The following CCDC171 variants were observed in gnomAD, a reference collection of about 807,000 sequenced individuals.
The protein encoded by CCDC171 is coiled-coil domain-containing protein 171.
CCDC171 carries 177 observed loss-of-function variants against 168.2 expected under a neutral mutation model. That is an observed-to-expected ratio of 1.05 (90% CI 0.93 to 1.19). The LOEUF is 1.19. Ranked by LOEUF, CCDC171 falls within the 50% of genes most tolerant of loss-of-function variation. The probability of loss-of-function intolerance (pLI) is 0.00; values close to 1 mark genes in which losing one functional copy is unlikely to be tolerated. For missense variants in CCDC171, 1,991 were observed against 1,539.0 expected (o/e 1.29, Z -4.91); for synonymous variants, 687 against 540.8 (o/e 1.27, Z -3.75).
chr9:15,626,792 C>G (rs916945221), intron 7 of CCDC171, among the ~76,000 whole-genome samples: 2 of 152,076 alleles, frequency 1.3e-5, no homozygotes, highest in Admixed American at 6.5e-5. Context: ...TTAGTTGTGT[C>G]TTTGCCAGGC....
intron 24 of CCDC171, among the ~76,000 whole-genome samples, chr9:15,890,184 AAG>A (rs112603623): frequency 0.069 from 10,504 of 151,854 alleles, 830 homozygotes; most frequent in African/African-American, 0.19. Flanking sequence ...TTTGAGGGGA[AAG>A]AGAGAATGTG....
intron 21 of CCDC171, among the ~76,000 whole-genome samples, chr9:15,832,523 A>G (rs913050967): frequency 3.3e-5 from 5 of 152,232 alleles, no homozygotes; most frequent in African/African-American, 7.2e-5. Context: ...GCTGTAGGCA[A>G]TTGTAACACA....
chr9:15,855,647 T>C lies in CCDC171; in HGVS notation c.3468+6700T>C, dbSNP rs774290118. Among the ~76,000 whole-genome samples, 62 of 152,034 alleles carry C rather than the reference T, an allele frequency of 4.1e-4. No homozygotes were observed. The Middle Eastern group carries it at 0.01, about 25-fold the overall frequency. On this transcript the variant is annotated intron_variant, in intron 23 of 25. Transcript: ENST00000380701. ...ACGATTCCTTCTTGTCTGCATTAGA[T>C]AGATCTTTGGTAGTGTACCATTTTT...
At chr9:15,910,289 T>C (rs924722698) in intron 24 of CCDC171, among the ~76,000 whole-genome samples, 6 of 152,200 alleles carry the variant, frequency 3.9e-5, no homozygotes, top group African/African-American at 1.4e-4. Flanking sequence ...AACAGACATA[T>C]GAATGCATCT....
chr9:15,921,724 T>G (rs1825354779), intron 25 of CCDC171, among the ~76,000 whole-genome samples: 1 of 151,634 alleles, frequency 6.6e-6, no homozygotes, highest in Non-Finnish European at 1.5e-5. Flanking sequence ...TAATGAGAGA[T>G]TAGTAAATTT....
chr9:15,708,105 C>T (rs1338399745), intron 11 of CCDC171, among the ~76,000 whole-genome samples: 1 of 152,210 alleles, frequency 6.6e-6, no homozygotes, highest in Non-Finnish European at 1.5e-5. Context: ...GTCTTGGCCT[C>T]CCAAAGTGTT....
intron 21 of CCDC171, among the ~76,000 whole-genome samples, chr9:15,793,440 G>A (rs1189008411): frequency 6.6e-6 from 1 of 151,314 alleles, no homozygotes; most frequent in East Asian, 1.9e-4. Context: ...GGATATCCAG[G>A]AATTGAACTC....
intron 1 of CCDC171, among the ~76,000 whole-genome samples, chr9:16,059,740 G>T (rs3008687): frequency 0.36 from 53,273 of 148,856 alleles, 11,008 homozygotes; most frequent in African/African-American, 0.58. Context: ...GGTCTCGATC[G>T]CCTGACCTCA....
intron 21 of CCDC171, among the ~76,000 whole-genome samples, chr9:15,841,453 A>G (rs376219562): frequency 2.6e-5 from 4 of 152,134 alleles, no homozygotes; most frequent in Middle Eastern, 3.4e-3. Context: ...CTTACTAGAC[A>G]TGTGAGTTCT....
At chr9:15,699,109 C>T (rs967032974) in intron 11 of CCDC171, among the ~76,000 whole-genome samples, 13 of 152,104 alleles carry the variant, frequency 8.5e-5, no homozygotes, top group African/African-American at 1.9e-4. Context: ...TTGAAGGCAG[C>T]GTGTCCAGAG....
In CCDC171 at chr9:15,902,256, ATATATG is replaced by A. The variant is rs1323999207; in HGVS notation, c.3601-18008_3601-18003del. 5.0e-4 allele frequency among the ~76,000 whole-genome samples: 72 copies of A among 143,326 alleles called. 1 individual carries two copies. Among genetic ancestry groups the A allele is most frequent in the South Asian group, 3.4e-3 (16 of 4,682 alleles). The allele number at this position is 143,326 out of a possible 152,430, so 94.0% of individuals were successfully genotyped here. A position where few individuals can be genotyped will look rare whatever the true frequency, so the allele number is the denominator to read the frequency against. On this transcript the variant is annotated intron_variant, in intron 24 of 25. Transcript: ENST00000380701. ...AAAGCTATAAAATTCATATATATAT[ATATATG>A]TATATATATATATATATATACACAC...
chr9:16,006,017 G>A (rs889264191), intron 3 of CCDC171, among the ~76,000 whole-genome samples: 9 of 151,846 alleles, frequency 5.9e-5, no homozygotes, highest in Non-Finnish European at 8.8e-5. Context: ...GCACCACTAC[G>A]CCTGGCTAAT....
chr9:16,058,398 A>G (rs1564139027), intron 1 of CCDC171, among the ~76,000 whole-genome samples: 2 of 152,086 alleles, frequency 1.3e-5, no homozygotes, highest in Non-Finnish European at 2.9e-5. Flanking sequence ...CTGCAGTGAC[A>G]GCAGGTATGC....
At chr9:15,554,827 C>A (rs899716922) in intron 1 of CCDC171, among the ~76,000 whole-genome samples, 3 of 152,124 alleles carry the variant, frequency 2.0e-5, no homozygotes, top group Non-Finnish European at 4.4e-5. Context: ...ACAAATTATT[C>A]AACATCTCCA....
At chr9:15,753,119 C>T (rs976724139) in intron 18 of CCDC171, among the ~76,000 whole-genome samples, 3 of 151,996 alleles carry the variant, frequency 2.0e-5, no homozygotes, top group Non-Finnish European at 2.9e-5. Context: ...AACTCATGAG[C>T]GACTTCAAGC....
At chr9:15,765,497 G>A (rs1407761106) in intron 18 of CCDC171, among the ~76,000 whole-genome samples, 1 of 152,222 alleles carries the variant, frequency 6.6e-6, no homozygotes, top group Non-Finnish European at 1.5e-5. Flanking sequence ...ATTGTAACAG[G>A]AGGGAAGGCA....
intron 23 of CCDC171, among the ~76,000 whole-genome samples, chr9:15,870,533 A>C (rs1435212307): frequency 6.6e-6 from 1 of 151,914 alleles, no homozygotes; most frequent in Admixed American, 6.6e-5. Context: ...GGCATTCAGG[A>C]TTCAGACACT....
At chr9:15,712,900 T>C (rs2052779877) in intron 11 of CCDC171, among the ~76,000 whole-genome samples, 1 of 152,224 alleles carries the variant, frequency 6.6e-6, no homozygotes, top group Middle Eastern at 3.2e-3. Flanking sequence ...CAAAGATGGC[T>C]AGGAAAAAAC....
chr9:15,720,181 A>G (rs1469282850), intron 11 of CCDC171, among the ~76,000 whole-genome samples: 7 of 152,172 alleles, frequency 4.6e-5, no homozygotes, highest in Non-Finnish European at 7.4e-5. Context: ...CATTTTCTCC[A>G]AGATTTAAAC....
Sources: allele counts gnomAD v4.1 joint callset (sites outside exome capture counted in the v4.1 genomes callset), GRCh38; gene constraint gnomAD v4.1.1; transcripts MANE v1.5; gene names NCBI Gene and HGNC (gene_info 2026-07-23, HGNC 2026-07-21).